The following RGS8 variants were observed in gnomAD, a reference collection of about 807,000 sequenced individuals.
RGS8 encodes the protein regulator of G protein signaling 8, also known as regulator of G-protein signaling 8.
In RGS8, 8 loss-of-function variants were observed where a neutral mutation model predicts 21.7. That is an observed-to-expected ratio of 0.37 (90% CI 0.22 to 0.66). The LOEUF is 0.66. Ranked by LOEUF, RGS8 falls within the 30% of genes least tolerant of loss-of-function variation. The pLI, the probability that RGS8 is intolerant of heterozygous loss-of-function variation, is 0.59. For synonymous variants in RGS8, 80 were observed against 83.6 expected, an observed-to-expected ratio of 0.96 and a Z score of 0.24; for missense variants, 157 against 217.9, an observed-to-expected ratio of 0.72 and a Z score of 1.76.
rs74981986 is a variant in RGS8 at position 182,651,142 on chromosome 1, G to A, written c.194-2839C>T. On this transcript the variant is annotated intron_variant, in intron 5 of 6. Coordinates refer to ENST00000483095, the Ensembl canonical transcript of RGS8. ...GAAAATCAAAATGAAACAATGACAC[G>A]GCAATGTTTAGGCAGAGATGGACTG... 9.7e-3 allele frequency among the ~76,000 whole-genome samples: 1,475 copies of A among 152,258 alleles called. 29 individuals carry two copies. Among genetic ancestry groups the A allele is most frequent in the African/African-American group, 0.034 (1,396 of 41,530 alleles).
upstream of RGS8, among the ~76,000 whole-genome samples, chr1:182,675,137 A>G (rs1664313828): frequency 6.6e-6 from 1 of 151,874 alleles, no homozygotes; most frequent in Non-Finnish European, 1.5e-5. Context: ...ACTCTCCCCC[A>G]TCCTCCATTC....
the RGS8 span, among the ~76,000 whole-genome samples, chr1:182,749,302 C>G: frequency 6.6e-6 from 1 of 152,098 alleles, no homozygotes; most frequent in Non-Finnish European, 1.5e-5. Context: ...TTTTTTAATT[C>G]TCCATGTGGA....
the RGS8 span, among the ~76,000 whole-genome samples, chr1:182,736,455 A>G: frequency 3.3e-5 from 5 of 152,312 alleles, no homozygotes; most frequent in African/African-American, 9.6e-5. Context: ...TGGGTCCCAC[A>G]CTAGATTTAG....
At chr1:182,748,785 A>G in the RGS8 span, among the ~76,000 whole-genome samples, 1 of 151,956 alleles carries the variant, frequency 6.6e-6, no homozygotes, top group African/African-American at 2.4e-5. Context: ...TGTCTTTTTT[A>G]TACTGTTCAT....
the RGS8 span, among the ~76,000 whole-genome samples, chr1:182,724,746 C>CG: frequency 6.6e-6 from 1 of 151,990 alleles, no homozygotes; most frequent in Non-Finnish European, 1.5e-5. Flanking sequence ...TTAGAAGAGA[C>CG]GGGGTTTCAC....
At chr1:182,648,404 T>C (rs1662808514) in intron 5 of RGS8, 101 bp from the exon 7 acceptor site, 3 of 1,232,038 alleles carry the variant, frequency 2.4e-6, no homozygotes, top group South Asian at 1.5e-5. Context: ...GTGCCCCTAA[T>C]TGTCCAAGCT....
the RGS8 span, among the ~76,000 whole-genome samples, chr1:182,744,637 T>C: frequency 6.6e-6 from 1 of 152,248 alleles, no homozygotes; most frequent in Admixed American, 6.5e-5. Flanking sequence ...TGTGTTACAA[T>C]TGCCTTCGTT....
chr1:182,752,027 T>A, the RGS8 span, among the ~76,000 whole-genome samples: 1 of 152,232 alleles, frequency 6.6e-6, no homozygotes, highest in East Asian at 1.9e-4. Flanking sequence ...TTCTGTCACC[T>A]ATCTGACCCC....
chr1:182,672,933 C>T, upstream of RGS8: 1 of 1,311,388 alleles, frequency 7.6e-7, no homozygotes, highest in East Asian at 2.3e-5. Context: ...TCAGCATCAC[C>T]TGAGAAGTAT....
the RGS8 span, among the ~76,000 whole-genome samples, chr1:182,725,285 T>C: frequency 3.3e-5 from 5 of 152,154 alleles, no homozygotes; most frequent in Non-Finnish European, 7.3e-5. Context: ...CTGATAATTT[T>C]AATATTATAG....
At chr1:182,741,011 C>A in the RGS8 span, among the ~76,000 whole-genome samples, 3 of 151,942 alleles carry the variant, frequency 2.0e-5, no homozygotes, top group Admixed American at 1.3e-4. Flanking sequence ...ACCTTTCCCC[C>A]CTTTCTATTC....
chr1:182,714,841 C>A, the RGS8 span, among the ~76,000 whole-genome samples: 2 of 152,158 alleles, frequency 1.3e-5, no homozygotes, highest in African/African-American at 4.8e-5. Flanking sequence ...AGCCAAACAT[C>A]CAGATCATTT....
At chr1:182,717,165 T>G in the RGS8 span, among the ~76,000 whole-genome samples, 1 of 152,150 alleles carries the variant, frequency 6.6e-6, no homozygotes, top group Non-Finnish European at 1.5e-5. Flanking sequence ...TCTGAGAAAA[T>G]GCCTGGTACA....
chr1:182,688,357 GCT>G (rs57313959), upstream of RGS8, among the ~76,000 whole-genome samples: 5,222 of 146,576 alleles, frequency 0.036, 114 homozygotes, highest in Non-Finnish European at 0.047. Flanking sequence ...TCTCTCGCTC[GCT>G]CTCTCTCTCT....
At chr1:182,690,676 G>A in the RGS8 span, among the ~76,000 whole-genome samples, 3 of 152,018 alleles carry the variant, frequency 2.0e-5, no homozygotes, top group Admixed American at 1.3e-4. Context: ...AAGTAGTTTG[G>A]ACAAAAAATA....
At chr1:182,691,975 A>G in the RGS8 span, among the ~76,000 whole-genome samples, 1 of 152,012 alleles carries the variant, frequency 6.6e-6, no homozygotes, top group Non-Finnish European at 1.5e-5. Context: ...AGGATACAAA[A>G]TCAATGTATG....
the RGS8 span, among the ~76,000 whole-genome samples, chr1:182,742,127 C>T: frequency 2.0e-5 from 3 of 149,852 alleles, no homozygotes; most frequent in African/African-American, 7.3e-5. Context: ...GTGCTCCCCA[C>T]ATCTCAGACG....
chr1:182,680,823 C>G (rs1016075583), intron 1 of RGS8, among the ~76,000 whole-genome samples: 13 of 152,162 alleles, frequency 8.5e-5, no homozygotes, highest in Non-Finnish European at 1.9e-4. Context: ...TGACACGAGC[C>G]CCCCAGCAGG....
intron 5 of RGS8, among the ~76,000 whole-genome samples, chr1:182,660,286 C>T (rs904181781): frequency 5.3e-5 from 8 of 152,190 alleles, no homozygotes; most frequent in African/African-American, 7.2e-5. Flanking sequence ...ACAGTCACAT[C>T]GCTGGTAAGT....
Sources: allele counts gnomAD v4.1 joint callset (sites outside exome capture counted in the v4.1 genomes callset), GRCh38; gene constraint gnomAD v4.1.1; transcripts MANE v1.5; gene names NCBI Gene and HGNC (gene_info 2026-07-23, HGNC 2026-07-21).